CBLB: variants seen among roughly 807,000 people sequenced by gnomAD.
The protein encoded by CBLB is E3 ubiquitin-protein ligase CBL-B.
CBLB carries 31 observed loss-of-function variants against 104.9 expected under a neutral mutation model. The observed-to-expected ratio is 0.30, with a 90% CI of 0.22 to 0.40. CBLB has a LOEUF of 0.40. Among genes scored for constraint, CBLB ranks in the 10% least tolerant of loss-of-function variants. The pLI is 1.00. For missense variants in CBLB, 1,062 were observed against 1,214.6 expected, an observed-to-expected ratio of 0.87 and a Z score of 1.87; for synonymous variants, 440 against 422.6, an observed-to-expected ratio of 1.04 and a Z score of -0.51.
At chr3:105,864,250 G>A (rs1000822085) in intron 2 of CBLB, among the ~76,000 whole-genome samples, 10 of 152,130 alleles carry the variant, frequency 6.6e-5, no homozygotes, top group African/African-American at 2.4e-4. Context: ...CTCTGATACT[G>A]TTCTCTGAGT....
chr3:105,833,299 T>A (rs958881376), intron 3 of CBLB, among the ~76,000 whole-genome samples: 6 of 152,176 alleles, frequency 3.9e-5, no homozygotes, highest in Non-Finnish European at 8.8e-5. Context: ...CTGTAGCAAA[T>A]AATTACAACT....
intron 13 of CBLB, among the ~76,000 whole-genome samples, chr3:105,686,860 G>T (rs1469150807): frequency 2.6e-5 from 4 of 151,986 alleles, no homozygotes; most frequent in African/African-American, 9.7e-5. Flanking sequence ...AGTGACAAAA[G>T]GTCCAGTGTC....
intron 3 of CBLB, among the ~76,000 whole-genome samples, chr3:105,805,302 A>ATTTTTT (rs1221623767): frequency 7.2e-6 from 1 of 138,612 alleles, no homozygotes; most frequent in Non-Finnish European, 1.6e-5. Context: ...ATGGCCCCCA[A>ATTTTTT]TTTTTTTTTT....
chr3:105,862,097 A>G (rs914818884), intron 2 of CBLB, among the ~76,000 whole-genome samples: 1 of 151,840 alleles, frequency 6.6e-6, no homozygotes, highest in African/African-American at 2.4e-5. Flanking sequence ...ACACCCCTCA[A>G]TCTCCCCAGA....
At position 105,659,236 on chromosome 3, in the gene CBLB, A is replaced by C. The variant is rs1217936834; in HGVS notation, c.2690-7T>G. 6.2e-7 allele frequency: 1 copy of C among 1,613,294 alleles called. No individual in the cohort carries two copies. The highest frequency in any genetic ancestry group is 8.5e-7 in the Non-Finnish European group (1 of 1,179,408). On this transcript the variant is annotated splice_polypyrimidine_tract_variant and splice_region_variant and intron_variant, in intron 18 of 18. Coordinates refer to ENST00000394030, the MANE Select transcript of CBLB (RefSeq NM_170662.5). ...GCTGGTGCCTGTGAACCATCTGTGT[A>C]GATTTTTAAAGAGAGATACTATTTA...
In CBLB at chr3:105,772,893, T is replaced by C. The variant is rs376019810; in HGVS notation, c.566+3503A>G. 7.9e-5 allele frequency among the ~76,000 whole-genome samples: 12 copies of C among 152,200 alleles called. No individual in the cohort carries two copies. In the East Asian group the frequency reaches 1.2e-3, roughly 15 times the overall value. ...TAAACATCTTTAAAAACAATAGATG[T>C]TGACGTGGATGTTGTGAAAAGGGAA... is the stretch of plus-strand genomic sequence containing the variant. On this transcript the variant is annotated intron_variant, in intron 4 of 18. Coordinates refer to ENST00000394030, the MANE Select transcript of CBLB (RefSeq NM_170662.5).
chr3:105,803,400 T>C (rs558490155), intron 3 of CBLB, among the ~76,000 whole-genome samples: 2 of 152,342 alleles, frequency 1.3e-5, no homozygotes, highest in South Asian at 4.1e-4. Flanking sequence ...TCCTATTAAA[T>C]ACGGCTCCTT....
In CBLB at chr3:105,767,562, C is replaced by CTTT. The variant is rs34794014; in HGVS notation, c.566+8831_566+8833dup. Among the ~76,000 whole-genome samples, 501 of 141,142 alleles carry CTTT rather than the reference C, an allele frequency of 3.5e-3. 3 individuals carry two copies. The highest frequency in any genetic ancestry group is 0.011 in the Middle Eastern group (3 of 276). 92.6% of individuals were successfully genotyped at this position (141,142 alleles called of 152,430 possible). A position where few individuals can be genotyped will look rare whatever the true frequency, so the allele number is the denominator to read the frequency against. On this transcript the variant is annotated intron_variant, in intron 4 of 18. Coordinates refer to ENST00000394030, the MANE Select transcript of CBLB (RefSeq NM_170662.5). ...ATTTTTAAAATTTTTCTTTTTCTTT[C>CTTT]TTTTTTTTTTTTTGCTTTTAGATTG...
intron 10 of CBLB, among the ~76,000 whole-genome samples, chr3:105,715,590 A>C (rs1402741036): frequency 6.6e-6 from 1 of 152,234 alleles, no homozygotes; most frequent in Non-Finnish European, 1.5e-5. Context: ...GAAGACAGGA[A>C]GAAACAATTT....
chr3:105,665,410 TAA>T (rs1491357438), intron 18 of CBLB, among the ~76,000 whole-genome samples: 15,681 of 70,778 alleles, frequency 0.22, 1,197 homozygotes, highest in Admixed American at 0.3. Flanking sequence ...AATAAATAAA[TAA>T]ATAAATATAT....
intron 3 of CBLB, among the ~76,000 whole-genome samples, chr3:105,838,249 A>ATTTTTTTT (rs55769611): frequency 1.8e-5 from 1 of 55,974 alleles, no homozygotes; most frequent in Non-Finnish European, 3.1e-5. Context: ...ACACCTGGCT[A>ATTTTTTTT]TTTTTTTTTT....
intron 12 of CBLB, among the ~76,000 whole-genome samples, chr3:105,697,983 C>T (rs1671752973): frequency 6.6e-6 from 1 of 152,074 alleles, no homozygotes; most frequent in Non-Finnish European, 1.5e-5. Flanking sequence ...ATCTAGCCAA[C>T]AAGATGTTTA....
intron 9 of CBLB, among the ~76,000 whole-genome samples, chr3:105,731,956 C>G (rs895926642): frequency 2.0e-5 from 3 of 152,196 alleles, no homozygotes; most frequent in African/African-American, 7.2e-5. Context: ...CTGAAATACA[C>G]AAGCCCTGCA....
At chr3:105,752,529 T>C (rs2076683975) in intron 4 of CBLB, among the ~76,000 whole-genome samples, 1 of 152,164 alleles carries the variant, frequency 6.6e-6, no homozygotes, top group African/African-American at 2.4e-5. Flanking sequence ...TACAACAGAA[T>C]AGCATAAAAG....
intron 13 of CBLB, among the ~76,000 whole-genome samples, chr3:105,690,421 G>T (rs1207224787): frequency 6.6e-6 from 1 of 152,048 alleles, no homozygotes; most frequent in Non-Finnish European, 1.5e-5. Flanking sequence ...AAAACACACT[G>T]TATAGAACCT....
chr3:105,798,795 C>G (rs1336746655), intron 3 of CBLB, among the ~76,000 whole-genome samples: 1 of 152,052 alleles, frequency 6.6e-6, no homozygotes, highest in Non-Finnish European at 1.5e-5. Context: ...AGATTTTCTG[C>G]AAGATTTTCA....
chr3:105,766,159 T>G (rs763284051), intron 4 of CBLB, among the ~76,000 whole-genome samples: 13 of 152,108 alleles, frequency 8.5e-5, no homozygotes, highest in Non-Finnish European at 1.8e-4. Flanking sequence ...AGAACTAGAA[T>G]TAGAAGTAGA....
At chr3:105,767,419 C>A (rs181860580) in intron 4 of CBLB, among the ~76,000 whole-genome samples, 1 of 151,982 alleles carries the variant, frequency 6.6e-6, no homozygotes, top group Admixed American at 6.6e-5. Flanking sequence ...ATTGCTTTTG[C>A]AGGAAATCAA....
In CBLB at chr3:105,759,930, T is replaced by G. The variant is rs536968043; in HGVS notation, c.567-8312A>C. Among the ~76,000 whole-genome samples, 5 of 152,328 alleles carry G rather than the reference T, an allele frequency of 3.3e-5. No individual in the cohort carries two copies. In the East Asian group the frequency reaches 9.6e-4, roughly 29 times the overall value. ...GCCATGCCTCCCCTACTGCAGCATCTTTGCAGCAGCCACTCCAGATGGGCA... is the reference window on the plus strand; with the variant it reads ...GCCATGCCTCCCCTACTGCAGCATCGTTGCAGCAGCCACTCCAGATGGGCA... On this transcript the variant is annotated intron_variant, in intron 4 of 18. Coordinates refer to ENST00000394030, the MANE Select transcript of CBLB (RefSeq NM_170662.5).
Sources: gnomAD v4.1 joint callset for allele counts (sites outside exome capture counted in the v4.1 genomes callset) on GRCh38, gnomAD v4.1.1 for gene constraint, MANE v1.5 for transcripts, NCBI Gene and HGNC (gene_info 2026-07-23, HGNC 2026-07-21) for gene names.